The following TMEM41B variants were observed in gnomAD, a reference collection of about 807,000 sequenced individuals.
TMEM41B encodes protein stasimon.
In TMEM41B, 18 loss-of-function variants were observed where a neutral mutation model predicts 31.9. That is an observed-to-expected ratio of 0.56 (90% CI 0.39 to 0.84). TMEM41B has a LOEUF of 0.84. Among genes scored for constraint, TMEM41B ranks in the 40% least tolerant of loss-of-function variants. TMEM41B has a pLI of 0.00. For synonymous variants in TMEM41B, 144 were observed against 124.3 expected, an observed-to-expected ratio of 1.16 and a Z score of -1.05; for missense variants, 322 against 348.0, an observed-to-expected ratio of 0.93 and a Z score of 0.59.
chr11:9,299,060 CACCT>C (rs1853172595), intron 2 of TMEM41B, among the ~76,000 whole-genome samples: 1 of 151,810 alleles, frequency 6.6e-6, no homozygotes, highest in Non-Finnish European at 1.5e-5. Flanking sequence ...GCAGGTGGAT[CACCT>C]GAGGTCAGGA....
rs1276870037 is a variant in TMEM41B at position 9,311,228 on chromosome 11, G to C, written c.121+3093C>G. The C allele has an allele frequency of 5.4e-6, 8 of 1,474,138 alleles. No homozygotes were observed. The African/African-American group carries it at 9.8e-5, about 18-fold the overall frequency. The allele number at this position is 1,474,138 out of a possible 1,614,324, so 91.3% of individuals were successfully genotyped here. ...CAATACAACATGGCATCTGAAGCTT[G>C]ATAGGAGAGCAGAACTGGTGAGACT... On this transcript the variant is annotated intron_variant, in intron 1 of 6. Transcript: ENST00000528080.
intron 1 of TMEM41B, among the ~76,000 whole-genome samples, chr11:9,300,401 C>T (rs933043088): frequency 6.6e-6 from 1 of 152,172 alleles, no homozygotes; most frequent in Non-Finnish European, 1.5e-5. Flanking sequence ...TTGGCAATTA[C>T]TTCACCTGTT....
chr11:9,290,480 C>T (rs180930558), intron 3 of TMEM41B, among the ~76,000 whole-genome samples: 226 of 151,820 alleles, frequency 1.5e-3, no homozygotes, highest in Non-Finnish European at 2.3e-3. Context: ...AGCAAACCAA[C>T]GTGGCACACA....
intron 6 of TMEM41B, among the ~76,000 whole-genome samples, chr11:9,283,946 G>C (rs945225981): frequency 2.6e-5 from 4 of 151,278 alleles, no homozygotes; most frequent in Non-Finnish European, 4.4e-5. Flanking sequence ...CACCACACCC[G>C]GCTAATTTTG....
chr11:9,282,493 A>T lies in TMEM41B; in HGVS notation c.*931T>A, dbSNP rs903646960. On this transcript the variant is annotated 3_prime_UTR_variant, in exon 7 of 7. Transcript: ENST00000528080. ...CAAGATGAAAGAAAACCGACTGGCCAGAACTTTAAATTTCAGACTAATCCA... is the reference window on the plus strand; with the variant it reads ...CAAGATGAAAGAAAACCGACTGGCCTGAACTTTAAATTTCAGACTAATCCA... 7.2e-5 allele frequency: 11 copies of T among 152,214 alleles called. No homozygotes were observed. Among genetic ancestry groups the T allele is most frequent in the Non-Finnish European group, 1.2e-4 (8 of 68,042 alleles). 9.4% of individuals were successfully genotyped at this position (152,214 alleles called of 1,614,324 possible).
At chr11:9,294,324 G>A (rs1424758140) in intron 3 of TMEM41B, among the ~76,000 whole-genome samples, 4 of 151,280 alleles carry the variant, frequency 2.6e-5, no homozygotes, top group Non-Finnish European at 5.9e-5. Context: ...GTGAAACTCC[G>A]TCTCTACTGA....
chr11:9,288,283 A>C (rs962492659), intron 4 of TMEM41B, among the ~76,000 whole-genome samples, 159 bp downstream of exon 4: 3 of 152,206 alleles, frequency 2.0e-5, no homozygotes, highest in Non-Finnish European at 4.4e-5. Flanking sequence ...TTCTGGGGGA[A>C]AAACAAATTA....
chr11:9,300,294 C>T (rs1289325633), intron 1 of TMEM41B, among the ~76,000 whole-genome samples: 2 of 152,070 alleles, frequency 1.3e-5, no homozygotes, highest in Non-Finnish European at 2.9e-5. Flanking sequence ...GAACATTGTT[C>T]TAAATGCTCT....
intron 1 of TMEM41B, among the ~76,000 whole-genome samples, chr11:9,305,134 T>C (rs1260764918): frequency 2.6e-5 from 4 of 152,252 alleles, no homozygotes; most frequent in South Asian, 2.1e-4. Flanking sequence ...AAGGCTAAAA[T>C]AGTTATTTTT....
chr11:9,283,417 A>G lies in TMEM41B; in HGVS notation c.*7T>C. 6.2e-7 allele frequency: 1 copy of G among 1,602,104 alleles called. No homozygotes were observed. The highest frequency in any genetic ancestry group is 8.5e-7 in the Non-Finnish European group (1 of 1,174,244). ...TGACAGCAAAACTAAAAATCAGATGATTATTTTTACTCAAATTTCTGCTTT... is the reference window on the plus strand; with the variant it reads ...TGACAGCAAAACTAAAAATCAGATGGTTATTTTTACTCAAATTTCTGCTTT... On this transcript the variant is annotated 3_prime_UTR_variant, in exon 7 of 7. Coordinates refer to ENST00000528080, the MANE Select transcript of TMEM41B (RefSeq NM_015012.4).
intron 1 of TMEM41B, among the ~76,000 whole-genome samples, chr11:9,312,903 C>CAAAAAA (rs36030741): frequency 4.3e-4 from 41 of 95,308 alleles, no homozygotes; most frequent in East Asian, 1.1e-3. Context: ...GACTCCGTCT[C>CAAAAAA]AAAAAAAAAA....
chr11:9,314,016 C>A (rs1485085035), intron 1 of TMEM41B, among the ~76,000 whole-genome samples: 1 of 152,202 alleles, frequency 6.6e-6, no homozygotes, highest in Non-Finnish European at 1.5e-5. Flanking sequence ...CAGTACAGCT[C>A]CTTCCAGCTC....
intron 1 of TMEM41B, among the ~76,000 whole-genome samples, chr11:9,310,609 T>G (rs1465415192): frequency 6.6e-6 from 1 of 151,676 alleles, no homozygotes; most frequent in Non-Finnish European, 1.5e-5. Flanking sequence ...CCAAAAAAGT[T>G]ATGTACTCTA....
chr11:9,291,178 T>C (rs1239121804), intron 3 of TMEM41B, among the ~76,000 whole-genome samples: 4 of 151,732 alleles, frequency 2.6e-5, no homozygotes, highest in Non-Finnish European at 5.9e-5. Flanking sequence ...TCCCAACACT[T>C]TGGGAGGCCA....
Position 9,314,345 on chromosome 11 carries a change from G to T in TMEM41B, c.97C>A (p.Pro33Thr). Residue 33 changes from proline to threonine, a missense_variant, in exon 1 of 7, where the codon CCT becomes ACT. This residue lies in a region of TMEM41B where 183 missense variants were observed against 175.3 expected (regional missense o/e 1.04). Coordinates refer to ENST00000528080, the MANE Select transcript of TMEM41B (RefSeq NM_015012.4). ...GAAGTRGLAA[P>T]GSRDHQKEKS... is the part of the protein sequence containing the mutation. ...CCCTTCTGGTGGTCTCTGCTGCCAG[G>T]CGCCGCGAGACCCCGCGTCCCCGCT... 1 of 1,595,600 alleles carries T rather than the reference G, an allele frequency of 6.3e-7. No individual in the cohort carries two copies.
intron 3 of TMEM41B, among the ~76,000 whole-genome samples, chr11:9,294,315 T>C (rs1260696292): frequency 6.6e-6 from 1 of 150,852 alleles, no homozygotes; most frequent in Non-Finnish European, 1.5e-5. Context: ...GCCAACATGG[T>C]GAAACTCCGT....
chr11:9,306,865 C>T (rs1853411342), intron 1 of TMEM41B, among the ~76,000 whole-genome samples: 2 of 152,154 alleles, frequency 1.3e-5, no homozygotes, highest in Admixed American at 1.3e-4. Flanking sequence ...ACCAATGATG[C>T]TGCCTCCTAC....
Position 9,314,330 on chromosome 11 carries a change from G to T in TMEM41B, c.112C>A (p.His38Asn). Residue 38 changes from histidine (H) to asparagine (N), a missense_variant, in exon 1 of 7, where the codon CAC becomes AAC. His to Asn is a moderately conservative substitution (Grantham distance 68). Around this residue, in one of 3 missense-constraint regions of TMEM41B, gnomAD observed 183 missense variants for 175.3 expected, o/e 1.04. Transcript: ENST00000528080. ...RGLAAPGSRD[H>N]QKEKSWVEAG... ...CCCCGGGCCCACTCACCCTTCTGGT[G>T]GTCTCTGCTGCCAGGCGCCGCGAGA... 2 of 1,598,248 alleles carry T rather than the reference G, an allele frequency of 1.3e-6. No individual in the cohort carries two copies. The highest frequency in any genetic ancestry group is 1.7e-4 in the Middle Eastern group (1 of 5,886).
chr11:9,285,976 G>T (rs555276900), intron 6 of TMEM41B, among the ~76,000 whole-genome samples: 114 of 151,962 alleles, frequency 7.5e-4, no homozygotes, highest in Non-Finnish European at 1.3e-3. Context: ...TTAGCCAGAC[G>T]TGGTGGCGTG....
Sources: gnomAD v4.1 joint callset for allele counts (sites outside exome capture counted in the v4.1 genomes callset) on GRCh38, gnomAD v4.1.1 for gene constraint, gnomAD v4.1.1 regional missense constraint, MANE v1.5 for transcripts, NCBI Gene and HGNC (gene_info 2026-07-23, HGNC 2026-07-21) for gene names.